Variants in FGD6 observed in about 807,000 individuals in gnomAD.
FGD6 encodes the protein FYVE, RhoGEF and PH domain-containing protein 6.
FGD6 carries 90 observed loss-of-function variants against 149.4 expected under a neutral mutation model. The ratio of observed to expected loss-of-function variants is 0.60; its 90% CI spans 0.51 to 0.72. FGD6 has a LOEUF of 0.72. FGD6 is among the 30% of genes least tolerant of loss of function. The pLI is 0.00. For missense variants in FGD6, 1,437 were observed against 1,684.8 expected (o/e 0.85, Z 2.57); for synonymous variants, 527 against 584.0 (o/e 0.90, Z 1.41).
At chr12:95,139,281 A>AT (rs1324413012) in intron 6 of FGD6, among the ~76,000 whole-genome samples, 1 of 152,048 alleles carries the variant, frequency 6.6e-6, no homozygotes, top group Non-Finnish European at 1.5e-5. Context: ...TCTACAAAAA[A>AT]TTAAAAAAAT....
At chr12:95,212,626 C>T (rs997946189) in intron 1 of FGD6, among the ~76,000 whole-genome samples, 2 of 152,162 alleles carry the variant, frequency 1.3e-5, no homozygotes, top group African/African-American at 4.8e-5. Context: ...CAGGATCTAA[C>T]ACTTAATAAA....
chr12:95,104,347 T>A (rs1878538939), intron 14 of FGD6, among the ~76,000 whole-genome samples: 1 of 152,076 alleles, frequency 6.6e-6, no homozygotes, highest in African/African-American at 2.4e-5. Flanking sequence ...ACCTGTAATC[T>A]CAGCACTTTG....
At chr12:95,171,551 T>C (rs1278098487) in intron 3 of FGD6, among the ~76,000 whole-genome samples, 1 of 152,206 alleles carries the variant, frequency 6.6e-6, no homozygotes, top group African/African-American at 2.4e-5. Flanking sequence ...AGTCTCACTC[T>C]GTCACCCAGG....
chr12:95,203,811 G>A (rs181684168), intron 2 of FGD6, among the ~76,000 whole-genome samples: 1 of 152,266 alleles, frequency 6.6e-6, no homozygotes, highest in East Asian at 1.9e-4. Flanking sequence ...TCCAGGGACA[G>A]TTTTCTTTAT....
chr12:95,171,886 A>G (rs913539412), intron 3 of FGD6, among the ~76,000 whole-genome samples: 2 of 152,166 alleles, frequency 1.3e-5, no homozygotes, highest in African/African-American at 2.4e-5. Context: ...AAACTCATAC[A>G]CACACTGGAT....
At chr12:95,207,213 C>T (rs763376567) in intron 2 of FGD6, among the ~76,000 whole-genome samples, 2 of 152,088 alleles carry the variant, frequency 1.3e-5, no homozygotes, top group African/African-American at 2.4e-5. Flanking sequence ...TTCAATCTTT[C>T]GGTCTGCACT....
At chr12:95,095,468 T>C (rs1170134543) in intron 14 of FGD6, among the ~76,000 whole-genome samples, 1 of 152,140 alleles carries the variant, frequency 6.6e-6, no homozygotes. Context: ...AACCACTGTT[T>C]AAATTTTGTT....
chr12:95,116,593 T>C (rs1879021625), intron 8 of FGD6, among the ~76,000 whole-genome samples: 2 of 152,190 alleles, frequency 1.3e-5, no homozygotes, highest in South Asian at 4.1e-4. Context: ...CATGAACTTT[T>C]ATGAACACAG....
At chr12:95,141,637 G>A in intron 5 of FGD6, 98 bp from the exon 6 acceptor site, 2 of 1,320,898 alleles carry the variant, frequency 1.5e-6, no homozygotes, top group Non-Finnish European at 2.1e-6. Flanking sequence ...GATACAGATT[G>A]CACAGCTGTA....
Position 95,211,444 on chromosome 12 carries a change from A to C in FGD6, c.17-177T>G, listed in dbSNP as rs186225097. On this transcript the variant is annotated intron_variant, in intron 1 of 20. Transcript: ENST00000343958. The stretch of plus-strand genomic sequence containing the variant: ...ATTCCTTAAATTGTCTTTCAATTCC[A>C]TACATAGCTTTGGGTCTATTGTACA... 3.9e-3 allele frequency among the ~76,000 whole-genome samples: 591 copies of C among 152,262 alleles called. 3 individuals are homozygous for C. The highest frequency in any genetic ancestry group is 6.3e-3 in the Non-Finnish European group (431 of 68,032).
Position 95,210,746 on chromosome 12 carries a change from C to A in FGD6, c.538G>T (p.Glu180Ter). The A allele has an allele frequency of 3.7e-6, 6 of 1,614,124 alleles. No homozygotes were observed. Among genetic ancestry groups the A allele is most frequent in the Non-Finnish European group, 5.1e-6 (6 of 1,180,022 alleles). The change falls in exon 2 of 21, where the codon GAA becomes TAA. Residue 180 changes from glutamate to a stop codon, truncating the protein, a stop_gained. Transcript: ENST00000343958. LOFTEE classifies it high-confidence loss of function. Reference protein sequence around the residue: ...GGVVLKASVLEEELKDALIHQ... With the variant: ...GGVVLKASVL ...ATTAAGGCATCTTTGAGCTCCTCTTCTAAAACGCTTGCCTTTAAAACAACC... is the reference window on the plus strand; with the variant it reads ...ATTAAGGCATCTTTGAGCTCCTCTTATAAAACGCTTGCCTTTAAAACAACC...
At chr12:95,083,030 T>TATATATATATATATACAC (rs772685891) in intron 20 of FGD6, among the ~76,000 whole-genome samples, 7 of 56,578 alleles carry the variant, frequency 1.2e-4, no homozygotes, top group Non-Finnish European at 1.3e-4. Context: ...TATATATATA[T>TATATATATATATATACAC]ACACACACAT....
chr12:95,123,542 G>T (rs1002338524), intron 8 of FGD6, among the ~76,000 whole-genome samples: 10 of 151,390 alleles, frequency 6.6e-5, no homozygotes, highest in African/African-American at 2.4e-4. Flanking sequence ...CTAAGAAGAG[G>T]CAAACTGCAA....
intron 18 of FGD6, among the ~76,000 whole-genome samples, chr12:95,086,938 C>A (rs1377520599): frequency 1.3e-5 from 2 of 149,004 alleles, no homozygotes; most frequent in Non-Finnish European, 1.5e-5. Context: ...ACCTCTGCCT[C>A]TTGGGTCCAA....
At chr12:95,097,683 A>G (rs10859829) in intron 14 of FGD6, among the ~76,000 whole-genome samples, 1 of 148,522 alleles carries the variant, frequency 6.7e-6, no homozygotes, top group Non-Finnish European at 1.5e-5. Flanking sequence ...CATTTACTAC[A>G]TGGACTAACT....
Position 95,211,208 on chromosome 12 carries a change from C to A in FGD6, c.76G>T (p.Ala26Ser), listed in dbSNP as rs760746517. 3.1e-6 allele frequency: 5 copies of A among 1,611,912 alleles called. No homozygotes were observed. The South Asian group carries it at 5.5e-5, about 18-fold the overall frequency. The change falls in exon 2 of 21, where the codon GCC becomes TCC. Residue 26 changes from alanine (A) to serine (S), a missense_variant. Physicochemically the swap from Ala to Ser is moderately conservative, Grantham distance 99 (BLOSUM62 1). Transcript: ENST00000343958. The stretch of plus-strand genomic sequence containing the variant: ...GGTTTAGGTGCAATAGGAGGTGGGG[C>A]TGGCTTATTATTTGCCACAACAAAC... The part of the protein sequence containing the change: ...PKFVVANNKP[A>S]PPPIAPKPDI...
At position 95,083,080 on chromosome 12, in the gene FGD6, A is replaced by G. The variant is rs376048075; in HGVS notation, c.4256+1418T>C. Among the ~76,000 whole-genome samples, 23 of 143,040 alleles carry G rather than the reference A, an allele frequency of 1.6e-4. 2 individuals carry two copies. In the East Asian group the frequency reaches 3.2e-3, roughly 20 times the overall value. 93.8% of individuals were successfully genotyped at this position (143,040 alleles called of 152,430 possible). A position where few individuals can be genotyped will look rare whatever the true frequency, so the allele number is the denominator to read the frequency against. Reference sequence around the variant, plus strand: ...ACACACACAGAAGAGAGTCCAGAGAACTATGAACACTTGAAATCACTCAGT... The same window carrying G: ...ACACACACAGAAGAGAGTCCAGAGAGCTATGAACACTTGAAATCACTCAGT... On this transcript the variant is annotated intron_variant, in intron 20 of 20. Transcript: ENST00000343958.
chr12:95,152,731 A>G, intron 5 of FGD6, 80 bp downstream of exon 5: 1 of 1,228,152 alleles, frequency 8.1e-7, no homozygotes. Flanking sequence ...TTAAGTTAGT[A>G]ATGCTGAAAA....
chr12:95,087,390 T>C (rs968934225), intron 18 of FGD6, among the ~76,000 whole-genome samples: 6 of 152,174 alleles, frequency 3.9e-5, no homozygotes, highest in African/African-American at 1.4e-4. Flanking sequence ...ACCTTATATA[T>C]GGCCCTGTCT....
Sources: allele counts gnomAD v4.1 joint callset (sites outside exome capture counted in the v4.1 genomes callset), GRCh38; gene constraint gnomAD v4.1.1; transcripts MANE v1.5; gene names NCBI Gene and HGNC (gene_info 2026-07-23, HGNC 2026-07-21).